ABCB7: variants seen among roughly 807,000 people sequenced by gnomAD.
ABCB7 encodes ATP binding cassette subfamily B member 7, also known as iron-sulfur clusters transporter ABCB7, mitochondrial.
ABCB7 carries 7 observed loss-of-function variants against 54.4 expected under a neutral mutation model. The ratio of observed to expected loss-of-function variants is 0.13; its 90% CI spans 0.07 to 0.24. The LOEUF is 0.24. Among genes scored for constraint, ABCB7 ranks in the 10% least tolerant of loss-of-function variants. The pLI, the probability that ABCB7 is intolerant of heterozygous loss-of-function variation, is 1.00. For missense variants in ABCB7, 356 were observed against 570.4 expected, an observed-to-expected ratio of 0.62 and a Z score of 3.83; for synonymous variants, 218 against 207.1, an observed-to-expected ratio of 1.05 and a Z score of -0.45.
intron 1 of ABCB7, among the ~76,000 whole-genome samples, chrX:75,135,769 G>C (rs2082004960): frequency 9.0e-6 from 1 of 111,449 alleles, no homozygotes; most frequent in Non-Finnish European, 1.9e-5. Flanking sequence ...AATTTTGACA[G>C]AGTTCAACAT....
At chrX:75,144,873 T>C (rs891787521) in intron 1 of ABCB7, among the ~76,000 whole-genome samples, 1 of 110,856 alleles carries the variant, frequency 9.0e-6, no homozygotes, top group East Asian at 2.8e-4. Flanking sequence ...AACCAAAAAC[T>C]GGTTACATTT....
At chrX:75,055,527 T>C (rs1412510477) in intron 15 of ABCB7, among the ~76,000 whole-genome samples, 1 of 75,288 alleles carries the variant, frequency 1.3e-5, no homozygotes, top group Admixed American at 2.2e-4. Flanking sequence ...GGCAACATGA[T>C]GAGACACCCC....
intron 15 of ABCB7, among the ~76,000 whole-genome samples, chrX:75,057,217 T>C (rs1451141642): frequency 2.7e-5 from 3 of 111,825 alleles, no homozygotes; most frequent in Non-Finnish European, 3.8e-5. Context: ...TGCTTTAGTT[T>C]CTAGTTTATC....
intron 1 of ABCB7, among the ~76,000 whole-genome samples, chrX:75,145,267 G>A (rs913341542): frequency 5.4e-5 from 6 of 111,034 alleles, no homozygotes; most frequent in Non-Finnish European, 1.1e-4. Context: ...ACTTGGCAGA[G>A]ACACAACACC....
chrX:75,090,580 G>GA lies in ABCB7; in HGVS notation c.453+8361dup, dbSNP rs1329744471. Among the ~76,000 whole-genome samples the GA allele has an allele frequency of 4.6e-3, 449 of 97,425 alleles. 3 individuals are homozygous for GA. The highest frequency in any genetic ancestry group is 0.013 in the African/African-American group (356 of 26,967). The allele number at this position is 97,425 out of a possible 115,157, so 84.6% of individuals were successfully genotyped here. On this transcript the variant is annotated intron_variant, in intron 4 of 15. Transcript: ENST00000373394. ...TGTAAGTTTCCATCTTGGGAAAATA[G>GA]AAAAAAAAAAGCGCAAAAAAAGTGC...
At chrX:75,104,370 G>A (rs1192197432) in intron 3 of ABCB7, among the ~76,000 whole-genome samples, 1 of 108,831 alleles carries the variant, frequency 9.2e-6, no homozygotes, top group African/African-American at 3.3e-5. Flanking sequence ...CGTTACAACT[G>A]ATACCACAGA....
rs2081208499 is a variant in ABCB7, at chrX:75,053,180, T to C, written c.*190A>G. The C allele has an allele frequency of 8.5e-6, 5 of 588,629 alleles. No individual in the cohort carries two copies. Among genetic ancestry groups the C allele is most frequent in the African/African-American group, 2.3e-5 (1 of 43,169 alleles). 48.5% of individuals were successfully genotyped at this position (588,629 alleles called of 1,213,427 possible). A position where few individuals can be genotyped will look rare whatever the true frequency, so the allele number is the denominator to read the frequency against. Reference sequence around the variant, plus strand: ...ACCAGGACAGTGACAAGAAAATAATTTGGGGATAAATACAGATGCCACATT... The same window carrying C: ...ACCAGGACAGTGACAAGAAAATAATCTGGGGATAAATACAGATGCCACATT... On this transcript the variant is annotated 3_prime_UTR_variant, in exon 16 of 16. Coordinates refer to ENST00000373394, the MANE Select transcript of ABCB7 (RefSeq NM_001271696.3).
chrX:75,078,451 C>A, intron 4 of ABCB7, among the ~76,000 whole-genome samples: 1 of 111,194 alleles, frequency 9.0e-6, no homozygotes, highest in Admixed American at 9.6e-5. Flanking sequence ...AAGTGCAGTC[C>A]TGTTACATGG....
At chrX:75,118,350 C>A (rs755296586) in intron 1 of ABCB7, among the ~76,000 whole-genome samples, 1 of 110,337 alleles carries the variant, frequency 9.1e-6, no homozygotes, top group Admixed American at 9.7e-5. Flanking sequence ...AGTTTAAAAG[C>A]CAGAAATATC....
intron 3 of ABCB7, among the ~76,000 whole-genome samples, chrX:75,105,016 A>C (rs1378094088): frequency 9.0e-6 from 1 of 111,730 alleles, no homozygotes; most frequent in African/African-American, 3.2e-5. Context: ...AACTAGACAT[A>C]GAAAAAATAC....
intron 3 of ABCB7, among the ~76,000 whole-genome samples, chrX:75,102,326 C>T (rs2081646899): frequency 9.0e-6 from 1 of 110,950 alleles, no homozygotes. Flanking sequence ...CAATCTCCCT[C>T]TATCCCCCAC....
In ABCB7 at chrX:75,112,895, T is replaced by C. The variant is rs749459881; in HGVS notation, c.324A>G (p.Pro108=). The C allele has an allele frequency of 8.3e-7, 1 of 1,209,005 alleles. No individual in the cohort carries two copies. The highest frequency in any genetic ancestry group is 1.7e-5 in the African/African-American group (1 of 57,657). Residue 108 remains proline, a synonymous_variant, in exon 3 of 16, where the codon CCA becomes CCG. Transcript: ENST00000373394. The part of the protein sequence containing the change: ...GHAGGGLHTD[P]KEGLKDVDTR... ...TGTTACTGGCTCTTACCCCTTCTTTTGGGTCTGTGTGGAGTCCTCCTCCTG... is the reference window on the plus strand; with the variant it reads ...TGTTACTGGCTCTTACCCCTTCTTTCGGGTCTGTGTGGAGTCCTCCTCCTG...
At chrX:75,104,047 GTTTTTTTTTTTTTTTTTTTTT>G (rs757074347) in intron 3 of ABCB7, among the ~76,000 whole-genome samples, 2,183 of 13,444 alleles carry the variant, frequency 0.16, 122 homozygotes, top group African/African-American at 0.32. Context: ...TCTTGTTACA[GTTTTTTTTTTTTTTTTTTTTT>G]TTTTTTTTTT....
chrX:75,111,793 A>C (rs1016990829), intron 3 of ABCB7, among the ~76,000 whole-genome samples: 2 of 112,302 alleles, frequency 1.8e-5, no homozygotes, highest in African/African-American at 6.5e-5. Context: ...CTTGAGCCTA[A>C]AAGAAGTAGC....
In ABCB7 at chrX:75,053,173, A is replaced by C; in HGVS notation, c.*197T>G. The C allele has an allele frequency of 1.7e-6, 1 of 578,579 alleles. No individual in the cohort carries two copies. Among genetic ancestry groups the C allele is most frequent in the Admixed American group, 4.0e-5 (1 of 25,193 alleles). 47.7% of individuals were successfully genotyped at this position (578,579 alleles called of 1,213,427 possible). On this transcript the variant is annotated 3_prime_UTR_variant, in exon 16 of 16. Coordinates refer to ENST00000373394, the MANE Select transcript of ABCB7 (RefSeq NM_001271696.3). ...GAGCACAACCAGGACAGTGACAAGAAAATAATTTGGGGATAAATACAGATG... is the reference window on the plus strand; with the variant it reads ...GAGCACAACCAGGACAGTGACAAGACAATAATTTGGGGATAAATACAGATG...
chrX:75,150,080 T>C (rs755921101), intron 1 of ABCB7, among the ~76,000 whole-genome samples: 3 of 111,094 alleles, frequency 2.7e-5, no homozygotes, highest in Non-Finnish European at 5.7e-5. Context: ...AAGAATAATC[T>C]AGATGTGCTG....
At chrX:75,117,884 A>G (rs2081837164) in intron 1 of ABCB7, among the ~76,000 whole-genome samples, 1 of 111,671 alleles carries the variant, frequency 9.0e-6, no homozygotes, top group South Asian at 3.8e-4. Context: ...AATGGAGGCA[A>G]TACTTTTCTC....
intron 3 of ABCB7, among the ~76,000 whole-genome samples, chrX:75,101,729 A>G (rs1471140309): frequency 8.9e-6 from 1 of 111,747 alleles, no homozygotes; most frequent in African/African-American, 3.2e-5. Flanking sequence ...GAATAATGGA[A>G]AAAGGCCCTG....
At chrX:75,094,483 C>T (rs1013044964) in intron 4 of ABCB7, among the ~76,000 whole-genome samples, 6 of 111,424 alleles carry the variant, frequency 5.4e-5, no homozygotes, top group Admixed American at 9.5e-5. Flanking sequence ...GAGGCTGAGG[C>T]GGGCGGATCA....
Sources: gnomAD v4.1 joint callset for allele counts (sites outside exome capture counted in the v4.1 genomes callset) on GRCh38, gnomAD v4.1.1 for gene constraint, MANE v1.5 for transcripts, NCBI Gene and HGNC (gene_info 2026-07-23, HGNC 2026-07-21) for gene names.